Variants in SSH2 observed in about 807,000 individuals in gnomAD.
The protein encoded by SSH2 is slingshot protein phosphatase 2.
SSH2 carries 37 observed loss-of-function variants against 135.2 expected under a neutral mutation model. The ratio of observed to expected loss-of-function variants is 0.27; its 90% CI spans 0.21 to 0.36. The LOEUF is 0.36. Ranked by LOEUF, SSH2 falls within the 10% of genes least tolerant of loss-of-function variation. SSH2 has a pLI of 1.00. For missense variants in SSH2, 1,408 were observed against 1,765.3 expected (o/e 0.80, Z 3.63); for synonymous variants, 628 against 646.2 (o/e 0.97, Z 0.43).
chr17:29,707,763 T>G (rs982760169), intron 3 of SSH2, among the ~76,000 whole-genome samples: 8 of 152,134 alleles, frequency 5.3e-5, no homozygotes, highest in Admixed American at 3.3e-4. Flanking sequence ...TGATCTTAAG[T>G]GATCCGCCCG....
intron 2 of SSH2, among the ~76,000 whole-genome samples, chr17:29,797,426 G>A (rs909098332): frequency 6.6e-6 from 1 of 152,104 alleles, no homozygotes; most frequent in African/African-American, 2.4e-5. Context: ...TACTTTATGG[G>A]AAGATTTTTG....
chr17:29,856,038 C>T, intron 1 of SSH2: 1 of 386,004 alleles, frequency 2.6e-6, no homozygotes, highest in South Asian at 2.0e-5. Flanking sequence ...GAGGTCTGTG[C>T]ATACTCCTTT....
intron 4 of SSH2, among the ~76,000 whole-genome samples, 184 bp downstream of exon 4, chr17:29,702,774 TA>T (rs1344176145): frequency 6.6e-6 from 1 of 152,236 alleles, no homozygotes; most frequent in African/African-American, 2.4e-5. Flanking sequence ...CTACTATGTG[TA>T]AAAGGCTTTT....
intron 3 of SSH2, among the ~76,000 whole-genome samples, chr17:29,770,998 G>A (rs2041573150): frequency 6.6e-6 from 1 of 152,166 alleles, no homozygotes; most frequent in Non-Finnish European, 1.5e-5. Flanking sequence ...TTTTACAGAT[G>A]AGGAAACTAA....
intron 3 of SSH2, among the ~76,000 whole-genome samples, chr17:29,768,311 G>A (rs890714258): frequency 1.8e-5 from 1 of 54,476 alleles, no homozygotes; most frequent in Admixed American, 2.2e-4. Flanking sequence ...TTTTTTTTTT[G>A]AGACAGGGTC....
At chr17:29,639,048 G>A (rs1197463090) in intron 14 of SSH2, among the ~76,000 whole-genome samples, 1 of 152,140 alleles carries the variant, frequency 6.6e-6, no homozygotes, top group East Asian at 1.9e-4. Context: ...TAGTAAATTT[G>A]GAGAGAAAGC....
At chr17:29,693,606 C>T (rs1194988236) in intron 5 of SSH2, among the ~76,000 whole-genome samples, 2 of 152,068 alleles carry the variant, frequency 1.3e-5, no homozygotes, top group Non-Finnish European at 2.9e-5. Flanking sequence ...GCCACTGTGC[C>T]TGGCCTTAGA....
intron 2 of SSH2, among the ~76,000 whole-genome samples, chr17:29,804,226 G>A (rs895233106): frequency 6.6e-6 from 1 of 152,140 alleles, no homozygotes; most frequent in Non-Finnish European, 1.5e-5. Context: ...CAGGGTTTAA[G>A]AAACCTTAAA....
chr17:29,812,982 A>T (rs1027001083), intron 2 of SSH2, among the ~76,000 whole-genome samples: 1 of 152,218 alleles, frequency 6.6e-6, no homozygotes, highest in Non-Finnish European at 1.5e-5. Flanking sequence ...AAATAAAAAT[A>T]AAAAACAAAA....
At position 29,636,615 on chromosome 17, in the gene SSH2, C is replaced by A; in HGVS notation, c.1615G>T (p.Val539Phe). 1 of 1,614,124 alleles carries A rather than the reference C, an allele frequency of 6.2e-7. No individual in the cohort carries two copies. Residue 539 changes from valine to phenylalanine, a missense_variant, in exon 15 of 16, where the codon GTC (valine) becomes TTC (phenylalanine). Val to Phe is a conservative substitution (Grantham distance 50). This residue lies in a region of SSH2 where 1,080 missense variants were observed against 1,144.5 expected (regional missense o/e 0.94). Transcript: ENST00000540801. ...PIPPVFVEHMVPQDANQKGLC... is the reference protein window; with the variant it reads ...PIPPVFVEHMFPQDANQKGLC... ...CCTTTCTGATTTGCATCTTGTGGGA[C>A]CATATGTTCCACAAAGACAGGAGGT...
At chr17:29,640,387 T>C (rs1022991841) in intron 14 of SSH2, among the ~76,000 whole-genome samples, 1 of 152,184 alleles carries the variant, frequency 6.6e-6, no homozygotes, top group Non-Finnish European at 1.5e-5. Context: ...CTCCAAAGTA[T>C]GTTTTTTAAA....
intron 2 of SSH2, among the ~76,000 whole-genome samples, chr17:29,812,575 C>G (rs530040025): frequency 6.6e-6 from 1 of 152,174 alleles, no homozygotes; most frequent in Admixed American, 6.5e-5. Context: ...TCAGCCACTA[C>G]GCCCAGCCTA....
intron 3 of SSH2, among the ~76,000 whole-genome samples, chr17:29,738,338 T>C (rs1302269873): frequency 6.6e-6 from 1 of 152,172 alleles, no homozygotes; most frequent in Non-Finnish European, 1.5e-5. Context: ...TGATGGACAT[T>C]TGGGTTGGTT....
chr17:29,720,621 A>G (rs2039791123), intron 3 of SSH2, among the ~76,000 whole-genome samples: 1 of 152,196 alleles, frequency 6.6e-6, no homozygotes, highest in African/African-American at 2.4e-5. Context: ...GTTTAAATGC[A>G]TATTACAGAT....
chr17:29,630,321 G>A lies in SSH2; in HGVS notation c.*520C>T, dbSNP rs2035614788. On this transcript the variant is annotated 3_prime_UTR_variant, in exon 16 of 16. Transcript: ENST00000540801. The stretch of plus-strand genomic sequence containing the variant: ...AGCAAAGCGGAACCTGCCTCCTTCA[G>A]GAACTCTAAAGGGCTGCGGCTGGAT... 6.6e-6 allele frequency: 1 copy of A among 152,326 alleles called. No individual in the cohort carries two copies. The highest frequency in any genetic ancestry group is 1.5e-5 in the Non-Finnish European group (1 of 68,142). 9.4% of individuals were successfully genotyped at this position (152,326 alleles called of 1,614,324 possible).
At chr17:29,782,580 G>C (rs780132871) in intron 3 of SSH2, among the ~76,000 whole-genome samples, 15 of 151,996 alleles carry the variant, frequency 9.9e-5, no homozygotes, top group Non-Finnish European at 2.1e-4. Flanking sequence ...TTGAGGATCA[G>C]AGTTGTTTTT....
chr17:29,784,473 T>G (rs1217346868), intron 3 of SSH2, among the ~76,000 whole-genome samples: 1 of 151,886 alleles, frequency 6.6e-6, no homozygotes. Flanking sequence ...GACGGGTGCC[T>G]GTAATCCCAG....
chr17:29,673,014 G>C (rs2037557210), intron 8 of SSH2, among the ~76,000 whole-genome samples: 1 of 151,952 alleles, frequency 6.6e-6, no homozygotes, highest in East Asian at 1.9e-4. Context: ...GCCTAGCTCT[G>C]GTAATTCTGA....
intron 11 of SSH2, among the ~76,000 whole-genome samples, chr17:29,657,698 G>A (rs2036852536): frequency 6.8e-6 from 1 of 146,232 alleles, no homozygotes. Context: ...AGCCTCCCGA[G>A]TAGCTGAGAC....
Sources: allele counts gnomAD v4.1 joint callset (sites outside exome capture counted in the v4.1 genomes callset), GRCh38; gene constraint gnomAD v4.1.1; regional missense constraint gnomAD v4.1.1; transcripts MANE v1.5; gene names NCBI Gene and HGNC (gene_info 2026-07-23, HGNC 2026-07-21).